The following GHR variants were observed in gnomAD, a reference collection of about 807,000 sequenced individuals.
GHR encodes the protein growth hormone receptor, also known as GH receptor.
A neutral mutation model predicts 67.1 loss-of-function variants in GHR; 35 were observed. That is an observed-to-expected ratio of 0.52 (90% CI 0.40 to 0.69). The LOEUF is 0.69. Among genes scored for constraint, GHR ranks in the 30% least tolerant of loss-of-function variants. GHR has a pLI of 0.00. For missense variants in GHR, 792 were observed against 764.6 expected (o/e 1.04, Z -0.42); for synonymous variants, 272 against 269.1 (o/e 1.01, Z -0.10).
chr5:42,602,410 C>G (rs1035058477), intron 2 of GHR, among the ~76,000 whole-genome samples: 1 of 152,120 alleles, frequency 6.6e-6, no homozygotes, highest in African/African-American at 2.4e-5. Context: ...GTACTCAGAT[C>G]TAAACTGAGT....
At chr5:42,558,311 C>G (rs1749421902) in intron 1 of GHR, among the ~76,000 whole-genome samples, 1 of 152,118 alleles carries the variant, frequency 6.6e-6, no homozygotes, top group South Asian at 2.1e-4. Context: ...TTTTATATGT[C>G]ATTTGAAATT....
Position 42,525,111 on chromosome 5 carries a change from A to T in GHR, c.-11-40753A>T, listed in dbSNP as rs140770104. ...CTAGTGAAGCTGTGAGAAGAGGGCC[A>T]CTGTCCTCCAGACCCCAGAATGGTA... On this transcript the variant is annotated intron_variant, in intron 1 of 9. Coordinates refer to ENST00000230882, the MANE Select transcript of GHR (RefSeq NM_000163.5). 5.9e-5 allele frequency among the ~76,000 whole-genome samples: 9 copies of T among 152,320 alleles called. No homozygotes were observed. In the East Asian group the frequency reaches 1.7e-3, roughly 29 times the overall value.
chr5:42,684,797 G>T (rs1247444429), intron 3 of GHR, among the ~76,000 whole-genome samples: 1 of 152,066 alleles, frequency 6.6e-6, no homozygotes, highest in African/African-American at 2.4e-5. Flanking sequence ...AAACACTCCT[G>T]CTATCCCCAA....
In GHR at chr5:42,495,474, T is replaced by C. The variant is rs143665774; in HGVS notation, c.-11-70390T>C. On this transcript the variant is annotated intron_variant, in intron 1 of 9. Transcript: ENST00000230882. ...TGGGTTATTAACAGTGGTTACTCTA[T>C]TTATTTACACATTTTCCTTGTGTAT... 2.4e-3 allele frequency among the ~76,000 whole-genome samples: 364 copies of C among 152,254 alleles called. 4 individuals carry two copies. The highest frequency in any genetic ancestry group is 6.2e-4 in the Non-Finnish European group (42 of 68,008).
At chr5:42,528,120 T>C (rs1309764112) in intron 1 of GHR, among the ~76,000 whole-genome samples, 1 of 152,196 alleles carries the variant, frequency 6.6e-6, no homozygotes, top group Non-Finnish European at 1.5e-5. Flanking sequence ...ACAATGTCCA[T>C]TCTGCAGCCT....
At chr5:42,652,012 T>C (rs891780032) in intron 3 of GHR, among the ~76,000 whole-genome samples, 3 of 152,188 alleles carry the variant, frequency 2.0e-5, no homozygotes, top group Non-Finnish European at 4.4e-5. Flanking sequence ...TGCTGCTCCA[T>C]GGATTTCAAA....
chr5:42,454,324 T>G (rs1744171406), intron 1 of GHR, among the ~76,000 whole-genome samples: 1 of 152,222 alleles, frequency 6.6e-6, no homozygotes, highest in Admixed American at 6.5e-5. Flanking sequence ...GACCTCTGGT[T>G]AGCCAGGATG....
chr5:42,441,401 T>C (rs1743564912), intron 1 of GHR, among the ~76,000 whole-genome samples: 1 of 151,940 alleles, frequency 6.6e-6, no homozygotes. Flanking sequence ...TCATGGGAAA[T>C]GGGTGGAAGT....
intron 1 of GHR, among the ~76,000 whole-genome samples, chr5:42,531,635 C>G (rs1284607735): frequency 2.6e-5 from 4 of 152,128 alleles, no homozygotes; most frequent in African/African-American, 9.7e-5. Context: ...GAGGTTCCAC[C>G]TTTTGCTGCC....
At chr5:42,474,627 C>A (rs2972416) in intron 1 of GHR, among the ~76,000 whole-genome samples, 25,084 of 151,522 alleles carry the variant, frequency 0.17, 2,301 homozygotes, top group Middle Eastern at 0.27. Flanking sequence ...ACAACAACAA[C>A]AAAAAAAGGC....
At chr5:42,556,340 C>T (rs1203343479) in intron 1 of GHR, among the ~76,000 whole-genome samples, 1 of 152,128 alleles carries the variant, frequency 6.6e-6, no homozygotes, top group Non-Finnish European at 1.5e-5. Flanking sequence ...GAAGACTTCA[C>T]TGTATGAGAA....
intron 1 of GHR, among the ~76,000 whole-genome samples, chr5:42,555,494 C>A (rs901494936): frequency 1.3e-5 from 2 of 152,160 alleles, no homozygotes; most frequent in Non-Finnish European, 2.9e-5. Flanking sequence ...ATTGAAGAAG[C>A]ATGGGAAAGT....
At chr5:42,699,069 G>T (rs554770181) in intron 5 of GHR, among the ~76,000 whole-genome samples, 1 of 152,332 alleles carries the variant, frequency 6.6e-6, no homozygotes, top group South Asian at 2.1e-4. Context: ...ACACTGAATT[G>T]TCACCATTTG....
At chr5:42,617,213 A>G (rs1202981198) in intron 2 of GHR, among the ~76,000 whole-genome samples, 5 of 151,452 alleles carry the variant, frequency 3.3e-5, no homozygotes, top group Admixed American at 6.6e-5. Context: ...GCTTCTATAG[A>G]TCCCCTTTTT....
intron 2 of GHR, among the ~76,000 whole-genome samples, chr5:42,592,658 T>C (rs1001721234): frequency 1.3e-5 from 2 of 152,234 alleles, no homozygotes; most frequent in Non-Finnish European, 2.9e-5. Flanking sequence ...TTATCCAGTC[T>C]ACTGTCAATG....
At chr5:42,491,870 G>A (rs976033527) in intron 1 of GHR, among the ~76,000 whole-genome samples, 1 of 152,094 alleles carries the variant, frequency 6.6e-6, no homozygotes, top group Non-Finnish European at 1.5e-5. Context: ...TCTGGCCAAG[G>A]AATTAAGACA....
chr5:42,444,379 A>G lies in GHR; in HGVS notation c.-12+20424A>G, dbSNP rs188888840. Among the ~76,000 whole-genome samples, 742 of 152,332 alleles carry G rather than the reference A, an allele frequency of 4.9e-3. 4 individuals carry two copies. The highest frequency in any genetic ancestry group is 7.9e-3 in the Non-Finnish European group (535 of 68,036). ...AGTAAAAAGCCATGAGCAGTTAATA[A>G]ATTTCCATTTGATGGCAGCTATAAA... On this transcript the variant is annotated intron_variant, in intron 1 of 9. Coordinates refer to ENST00000230882, the MANE Select transcript of GHR (RefSeq NM_000163.5).
intron 1 of GHR, among the ~76,000 whole-genome samples, chr5:42,539,092 C>A (rs926430971): frequency 6.6e-6 from 1 of 151,878 alleles, no homozygotes; most frequent in African/African-American, 2.4e-5. Context: ...TGTATCATTT[C>A]GTTGTATCAG....
intron 1 of GHR, among the ~76,000 whole-genome samples, chr5:42,430,037 C>T (rs1050021197): frequency 6.6e-6 from 1 of 152,192 alleles, no homozygotes; most frequent in Non-Finnish European, 1.5e-5. Flanking sequence ...TCTACTTTTT[C>T]TCAGGAGGTA....
Sources: gnomAD v4.1 joint callset for allele counts (sites outside exome capture counted in the v4.1 genomes callset) on GRCh38, gnomAD v4.1.1 for gene constraint, MANE v1.5 for transcripts, NCBI Gene and HGNC (gene_info 2026-07-23, HGNC 2026-07-21) for gene names.